CABIN1: variants seen among roughly 807,000 people sequenced by gnomAD.
The protein encoded by CABIN1 is calcineurin binding protein 1.
Under a neutral mutation model 227.7 loss-of-function variants are expected in CABIN1, and 133 were observed. The ratio of observed to expected loss-of-function variants is 0.58; its 90% CI spans 0.51 to 0.67. The LOEUF (loss-of-function observed/expected upper bound fraction) is 0.67, where lower values mean the gene tolerates loss of function less well. Among genes scored for constraint, CABIN1 ranks in the 30% least tolerant of loss-of-function variants. CABIN1 has a pLI of 0.00. For missense variants in CABIN1, 2,408 were observed against 2,852.5 expected, an observed-to-expected ratio of 0.84 and a Z score of 3.55; for synonymous variants, 1,086 against 1,155.1, an observed-to-expected ratio of 0.94 and a Z score of 1.21.
In CABIN1 at chr22:24,071,167, T is replaced by C. The variant is rs1465161062; in HGVS notation, c.2475+125T>C. 7 of 1,362,710 alleles carry C rather than the reference T, an allele frequency of 5.1e-6. No individual in the cohort carries two copies. In the African/African-American group the frequency reaches 8.7e-5, roughly 17 times the overall value. 84.4% of individuals were successfully genotyped at this position (1,362,710 alleles called of 1,614,324 possible). A position where few individuals can be genotyped will look rare whatever the true frequency, so the allele number is the denominator to read the frequency against. ...ACCCAAAGGGGACATGATGGCTTCT[T>C]TGGTTGGAACTTTCGGGATCTGAGG... On this transcript the variant is annotated intron_variant, in intron 17 of 36. Coordinates refer to ENST00000263119, the MANE Select transcript of CABIN1 (RefSeq NM_012295.4).
chr22:24,075,924 G>A (rs961560510), intron 18 of CABIN1, among the ~76,000 whole-genome samples: 1 of 150,912 alleles, frequency 6.6e-6, no homozygotes, highest in South Asian at 2.1e-4. Context: ...TGGATAAAGT[G>A]TGCTCCTTTA....
chr22:24,060,187 C>A, intron 12 of CABIN1, 46 bp downstream of exon 12: 1 of 1,548,086 alleles, frequency 6.5e-7, no homozygotes, highest in Non-Finnish European at 8.9e-7. Context: ...GGGACCAGGG[C>A]ATGGGGACAG....
At position 24,083,284 on chromosome 22, in the gene CABIN1, C is replaced by T. The variant is rs1255660276; in HGVS notation, c.2805C>T (p.Tyr935=). The change falls in exon 20 of 37, where the codon TAC becomes TAT. Residue 935 remains tyrosine (Y), a synonymous_variant. Transcript: ENST00000263119. ...AASTSEDTHP[Y]KEELETALEQ... ...CCACCTCTGAAGACACGCACCCTTA[C>T]AAGGAGGAGCTGGAGACAGCCTTGG... 2.5e-6 allele frequency: 4 copies of T among 1,613,342 alleles called. No individual in the cohort carries two copies. In the African/African-American group the frequency reaches 4.0e-5, roughly 16 times the overall value.
chr22:24,163,601 C>A (rs2046280259), intron 29 of CABIN1, among the ~76,000 whole-genome samples: 1 of 152,168 alleles, frequency 6.6e-6, no homozygotes, highest in Non-Finnish European at 1.5e-5. Flanking sequence ...TATTCCAGGC[C>A]CCTGAGGTCC....
At chr22:24,145,560 G>A (rs552851119) in intron 29 of CABIN1, among the ~76,000 whole-genome samples, 1 of 152,310 alleles carries the variant, frequency 6.6e-6, no homozygotes, top group East Asian at 1.9e-4. Flanking sequence ...GGGCCGAGGA[G>A]GTGGGCTTGG....
In CABIN1 at chr22:24,119,520, A is replaced by G. The variant is rs774506368; in HGVS notation, c.4454A>G (p.Asp1485Gly). 9.3e-6 allele frequency: 15 copies of G among 1,613,740 alleles called. No homozygotes were observed. Among genetic ancestry groups the G allele is most frequent in the Non-Finnish European group, 1.3e-5 (15 of 1,179,960 alleles). The change falls in exon 28 of 37, where the codon GAC becomes GGC. Residue 1485 changes from aspartate to glycine, a missense_variant. By Grantham distance (94) the Asp-to-Gly change is moderately conservative. This residue lies in a region of CABIN1 where 649 missense variants were observed against 910.3 expected (regional missense o/e 0.71). Coordinates refer to ENST00000263119, the MANE Select transcript of CABIN1 (RefSeq NM_012295.4). ...PTLWDGKKRG[D>G]LPGEPVAFPQ... ...CTGTGGGATGGGAAGAAGAGAGGGG[A>G]CCTCCCAGGGGAGCCAGTGGCCTTC...
chr22:24,153,766 G>A, intron 29 of CABIN1, among the ~76,000 whole-genome samples: 1 of 152,138 alleles, frequency 6.6e-6, no homozygotes, highest in East Asian at 1.9e-4. Flanking sequence ...AACCCACAAG[G>A]CCTCGGAGCC....
At chr22:24,163,392 C>T (rs1364790290) in intron 29 of CABIN1, among the ~76,000 whole-genome samples, 1 of 152,184 alleles carries the variant, frequency 6.6e-6, no homozygotes, top group East Asian at 1.9e-4. Context: ...GGACAGGGCC[C>T]TGAGAGGGGT....
chr22:24,035,394 T>A (rs1366211921), intron 1 of CABIN1, 50 bp from the exon 2 acceptor site: 4 of 1,328,106 alleles, frequency 3.0e-6, no homozygotes, highest in Non-Finnish European at 4.3e-6. Flanking sequence ...CACTGTGACC[T>A]TCCTGGCTCT....
chr22:24,045,116 G>A (rs148353342), intron 6 of CABIN1, among the ~76,000 whole-genome samples: 8 of 152,274 alleles, frequency 5.3e-5, no homozygotes, highest in African/African-American at 1.9e-4. Context: ...AGTAGAGACA[G>A]GGTTTCACCG....
intron 16 of CABIN1, among the ~76,000 whole-genome samples, chr22:24,069,974 A>C (rs1251126115): frequency 6.6e-6 from 1 of 152,074 alleles, no homozygotes; most frequent in African/African-American, 2.4e-5. Flanking sequence ...GCGTCCCACC[A>C]GATCTGTGAA....
intron 19 of CABIN1, among the ~76,000 whole-genome samples, chr22:24,079,819 A>G (rs919705859): frequency 2.6e-5 from 4 of 152,136 alleles, no homozygotes; most frequent in African/African-American, 9.7e-5. Flanking sequence ...TATCTGATAC[A>G]TAAGTTTCAC....
intron 28 of CABIN1, among the ~76,000 whole-genome samples, chr22:24,120,083 C>T (rs1285342352): frequency 2.0e-5 from 3 of 152,206 alleles, no homozygotes; most frequent in South Asian, 2.1e-4. Context: ...ACAGCAAGCC[C>T]GTCTTCCAGG....
chr22:24,046,339 C>A (rs993570056), intron 6 of CABIN1, among the ~76,000 whole-genome samples: 2 of 152,106 alleles, frequency 1.3e-5, no homozygotes, highest in Non-Finnish European at 2.9e-5. Flanking sequence ...TTGTATATGT[C>A]TTTTAGTGAA....
chr22:24,045,013 AG>A (rs2037737794), intron 6 of CABIN1, among the ~76,000 whole-genome samples: 1 of 149,120 alleles, frequency 6.7e-6, no homozygotes. Context: ...TCCACCTCCC[AG>A]GTTCATGCCA....
chr22:24,142,909 C>T (rs1053474971), intron 29 of CABIN1, among the ~76,000 whole-genome samples: 1 of 152,156 alleles, frequency 6.6e-6, no homozygotes, highest in Non-Finnish European at 1.5e-5. Context: ...ATCACCTTCT[C>T]CCCTCTCAGG....
intron 15 of CABIN1, among the ~76,000 whole-genome samples, chr22:24,066,467 A>G (rs1212267658): frequency 6.6e-6 from 1 of 152,258 alleles, no homozygotes; most frequent in Non-Finnish European, 1.5e-5. Context: ...ACCCTGCTGC[A>G]GTTCTGCATC....
In CABIN1 at chr22:24,171,880, T is replaced by C. The variant is rs1389533414; in HGVS notation, c.5925T>C (p.Thr1975=). ...KPRPALAAAT[T]IITCPPSASA... Reference sequence around the variant, plus strand: ...GCCCTGCACTAGCTGCCGCCACAACTATTATCACCTGCCCTCCGTCAGCAT... The same window carrying C: ...GCCCTGCACTAGCTGCCGCCACAACCATTATCACCTGCCCTCCGTCAGCAT... Residue 1975 remains threonine (T), a synonymous_variant, in exon 34 of 37, where the codon ACT becomes ACC. Coordinates refer to ENST00000263119, the MANE Select transcript of CABIN1 (RefSeq NM_012295.4). 6.2e-7 allele frequency: 1 copy of C among 1,614,088 alleles called. No homozygotes were observed. The highest frequency in any genetic ancestry group is 1.7e-5 in the Admixed American group (1 of 60,036).
intron 26 of CABIN1, among the ~76,000 whole-genome samples, chr22:24,100,858 G>A (rs1345835003): frequency 6.6e-6 from 1 of 152,238 alleles, no homozygotes; most frequent in African/African-American, 2.4e-5. Context: ...TTCGTTATGG[G>A]TATTAAACAA....
Sources: allele counts gnomAD v4.1 joint callset (sites outside exome capture counted in the v4.1 genomes callset), GRCh38; gene constraint gnomAD v4.1.1; regional missense constraint gnomAD v4.1.1; transcripts MANE v1.5; gene names NCBI Gene and HGNC (gene_info 2026-07-23, HGNC 2026-07-21).